Variants in CDKN2A observed in about 807,000 individuals in gnomAD.
The protein encoded by CDKN2A is cyclin dependent kinase inhibitor 2A, also known as cyclin-dependent kinase inhibitor 2A.
CDKN2A carries 3 observed loss-of-function variants against 11.1 expected under a neutral mutation model. The ratio of observed to expected loss-of-function variants is 0.27; its 90% confidence interval spans 0.12 to 0.70. The LOEUF (loss-of-function observed/expected upper bound fraction) is 0.70. Among genes scored for constraint, CDKN2A ranks in the 30% least tolerant of loss-of-function variants. CDKN2A has a pLI of 0.77. For missense variants in CDKN2A, 265 were observed against 233.6 expected (o/e 1.13, Z -0.88); for synonymous variants, 122 against 108.1 (o/e 1.13, Z -0.80).
At chr9:21,971,439 G>A (rs527316853) in intron 1 of CDKN2A, 36 of 1,351,064 alleles carry the variant, frequency 2.7e-5, no homozygotes, top group Non-Finnish European at 3.4e-5. Context: ...GTCGTCACAG[G>A]CAGAGAGCAC....
At chr9:21,977,709 T>G (rs1203829792), upstream of CDKN2A, among the ~76,000 whole-genome samples, 1 of 152,164 alleles carries the variant, frequency 6.6e-6, no homozygotes, top group Admixed American at 6.5e-5. Flanking sequence ...AAGAGTAGGC[T>G]CCTTCAAGAG....
At chr9:21,979,257 G>A (rs988705257), upstream of CDKN2A, among the ~76,000 whole-genome samples, 3 of 152,288 alleles carry the variant, frequency 2.0e-5, no homozygotes, top group Admixed American at 1.3e-4. Context: ...TCCTCAGAGA[G>A]CCAAAAGAAA....
chr9:21,992,046 G>A, intron 2 of CDKN2A: 1 of 981,178 alleles, frequency 1.0e-6, no homozygotes, highest in Non-Finnish European at 1.2e-6. Context: ...TCAGGTTTCT[G>A]TGGTTAAGAA....
At position 21,967,953 on chromosome 9, in the gene CDKN2A, C is replaced by G. The variant is rs3731253; in HGVS notation, c.*276G>C. On this transcript the variant is annotated 3_prime_UTR_variant, in exon 3 of 3. Coordinates refer to ENST00000304494, the MANE Select transcript of CDKN2A (RefSeq NM_000077.5). ...TGTGCGCTTAGGGCGTGAGTGCTCA[C>G]TCCAGAAAACTCCAACACAGTGAAA... The G allele has an allele frequency of 4.1e-4, 200 of 483,048 alleles. 2 individuals are homozygous for G. The East Asian group carries it at 6.1e-3, about 15-fold the overall frequency. 29.9% of individuals were successfully genotyped at this position (483,048 alleles called of 1,614,324 possible).
chr9:21,984,536 T>A (rs1820261168), intron 2 of CDKN2A, among the ~76,000 whole-genome samples: 3 of 152,048 alleles, frequency 2.0e-5, no homozygotes, highest in African/African-American at 4.8e-5. Flanking sequence ...CTGTCCTTTT[T>A]AATTGCTAAC....
chr9:21,981,001 T>C lies in CDKN2A; in HGVS notation c.-3-9793A>G, dbSNP rs1347107829. The stretch of plus-strand genomic sequence containing the variant: ...ATATATATATACACGTATATATATA[T>C]ACGTGTATATATATATATACGTGTA... On this transcript the variant is annotated intron_variant, in intron 2 of 3. Transcript: ENST00000494262. Among the ~76,000 whole-genome samples the C allele has an allele frequency of 1.2e-3, 5 of 4,282 alleles. 1 individual carries two copies. The highest frequency in any genetic ancestry group is 3.9e-3 in the Admixed American group (1 of 258). 2.8% of individuals were successfully genotyped at this position (4,282 alleles called of 152,430 possible). A position where few individuals can be genotyped will look rare whatever the true frequency, so the allele number is the denominator to read the frequency against.
At chr9:21,971,329 C>T in intron 1 of CDKN2A, 121 bp from the exon 2 acceptor site, 1 of 1,518,734 alleles carries the variant, frequency 6.6e-7, no homozygotes, top group Non-Finnish European at 8.8e-7. Context: ...GTCTAATTAC[C>T]CCTACATTTG....
At chr9:21,973,245 A>G (rs571202021) in intron 1 of CDKN2A, among the ~76,000 whole-genome samples, 2 of 152,320 alleles carry the variant, frequency 1.3e-5, no homozygotes, top group Non-Finnish European at 2.9e-5. Flanking sequence ...AAAATGAATC[A>G]ATTGAATTAA....
chr9:21,992,299 T>G, intron 2 of CDKN2A: 1 of 842,436 alleles, frequency 1.2e-6, no homozygotes, highest in South Asian at 5.5e-5. Flanking sequence ...TATATTAATG[T>G]GAAATATATA....
rs1354434148 is a variant in CDKN2A at position 21,988,066 on chromosome 9, G to A, written c.-4+5816C>T. Among the ~76,000 whole-genome samples, 1 of 151,966 alleles carries A rather than the reference G, an allele frequency of 6.6e-6. No individual in the cohort carries two copies. The highest frequency in any genetic ancestry group is 1.9e-4 in the East Asian group (1 of 5,200). On this transcript the variant is annotated intron_variant, in intron 2 of 3. Transcript: ENST00000494262. The surrounding 1 kb of genome is among the most constrained non-coding windows in gnomAD (Gnocchi z 4.1). ...CACATAATTCAATTAAGAAAGCAGA[G>A]GCTTTTTTATTTACGTTACCTTGAT...
At position 21,995,109 on chromosome 9, in the gene CDKN2A, C is replaced by A. The variant is rs988850485; in HGVS notation, c.-464G>T. ...ACGCCTCTGACGCGACATCTGGACA[C>A]GGCGCGGCGCTGGCGCTGCCGGAGC... On this transcript the variant is annotated 5_prime_UTR_variant, in exon 1 of 4. Coordinates refer to the CDKN2A transcript ENST00000494262. The surrounding 1 kb of genome is among the most constrained non-coding windows in gnomAD (Gnocchi z 5.7). 6.6e-6 allele frequency: 1 copy of A among 152,152 alleles called. No homozygotes were observed. Among genetic ancestry groups the A allele is most frequent in the South Asian group, 2.1e-4 (1 of 4,828 alleles). 9.4% of individuals were successfully genotyped at this position (152,152 alleles called of 1,614,324 possible).
chr9:21,971,332 T>C, intron 1 of CDKN2A, 124 bp from the exon 2 acceptor site: 2 of 1,512,934 alleles, frequency 1.3e-6, no homozygotes, highest in Non-Finnish European at 1.8e-6. Flanking sequence ...TAATTACCCC[T>C]ACATTTGCTT....
Position 21,974,684 on chromosome 9 carries a change from C to T in CDKN2A, c.144G>A (p.Pro48=), listed in dbSNP as rs876659638. 1.9e-6 allele frequency: 3 copies of T among 1,613,936 alleles called. No individual in the cohort carries two copies. The highest frequency in any genetic ancestry group is 2.5e-6 in the Non-Finnish European group (3 of 1,180,024). Residue 48 remains proline, a synonymous_variant, in exon 1 of 3, where the codon CCG becomes CCA. Coordinates refer to ENST00000304494, the MANE Select transcript of CDKN2A (RefSeq NM_000077.5). This position sits in a 1 kb window ranked among gnomAD's most constrained non-coding sequence, Gnocchi z 5.2. ...CTGCAGACCCTCTACCCACCTGGAT[C>T]GGCCTCCGACCGTAACTATTCGGTG... ...PNAPNSYGRR[P]IQVMMMGSAR... is the part of the protein sequence containing the mutation.
chr9:21,976,313 A>C (rs562652946), upstream of CDKN2A, among the ~76,000 whole-genome samples: 3 of 149,394 alleles, frequency 2.0e-5, no homozygotes, highest in Non-Finnish European at 4.4e-5. Flanking sequence ...CGGGAGGCAG[A>C]GGTTGCAGTA....
At chr9:21,979,803 G>A (rs1820131083), upstream of CDKN2A, among the ~76,000 whole-genome samples, 1 of 152,200 alleles carries the variant, frequency 6.6e-6, no homozygotes, top group Non-Finnish European at 1.5e-5. Context: ...GAACCCAGCT[G>A]AGGGTGGAGA....
In CDKN2A at chr9:21,995,234, G is replaced by A. The variant is rs1820595060; in HGVS notation, c.-589C>T. 1 of 152,234 alleles carries A rather than the reference G, an allele frequency of 6.6e-6. No homozygotes were observed. Among genetic ancestry groups the A allele is most frequent in the African/African-American group, 2.4e-5 (1 of 41,452 alleles). 9.4% of individuals were successfully genotyped at this position (152,234 alleles called of 1,614,324 possible). ...TCCCCTCCCAGCTGCCCGCGTCGCC[G>A]AGGGCGCCTGGCTGGGACAAGCACC... On this transcript the variant is annotated 5_prime_UTR_variant, in exon 1 of 4. Coordinates refer to the CDKN2A transcript ENST00000494262. The surrounding 1 kb of genome is among the most constrained non-coding windows in gnomAD (Gnocchi z 5.7).
At position 21,988,440 on chromosome 9, in the gene CDKN2A, A is replaced by G. The variant is rs980347333; in HGVS notation, c.-4+5442T>C. On this transcript the variant is annotated intron_variant, in intron 2 of 3. Coordinates refer to the CDKN2A transcript ENST00000494262. The surrounding 1 kb of genome is among the most constrained non-coding windows in gnomAD (Gnocchi z 4.1). ...CCTTTTATTACTTCTTTTTGATTGT[A>G]GAGTTCTGCCCAAATGAAACCATCA... is the stretch of plus-strand genomic sequence containing the variant. Among the ~76,000 whole-genome samples the G allele has an allele frequency of 5.9e-5, 9 of 152,082 alleles. No individual in the cohort carries two copies. The highest frequency in any genetic ancestry group is 2.2e-4 in the African/African-American group (9 of 41,398).
Position 21,987,523 on chromosome 9 carries a change from T to C in CDKN2A, c.-4+6359A>G, listed in dbSNP as rs3731205. Among the ~76,000 whole-genome samples the C allele has an allele frequency of 4.4e-3, 664 of 152,182 alleles. 6 individuals carry two copies. Among genetic ancestry groups the C allele is most frequent in the Middle Eastern group, 0.01 (3 of 294 alleles). Reference sequence around the variant, plus strand: ...TTTTAAAAAGACAACGTATCTTATATAGCTTATGTGGAAATTTTCTGTCTG... The same window carrying C: ...TTTTAAAAAGACAACGTATCTTATACAGCTTATGTGGAAATTTTCTGTCTG... On this transcript the variant is annotated intron_variant, in intron 2 of 3. Transcript: ENST00000494262.
rs1467505592 is a variant in CDKN2A at position 21,988,241 on chromosome 9, A to G, written c.-4+5641T>C. Among the ~76,000 whole-genome samples the G allele has an allele frequency of 1.3e-5, 2 of 152,224 alleles. No homozygotes were observed. The highest frequency in any genetic ancestry group is 2.9e-5 in the Non-Finnish European group (2 of 68,038). On this transcript the variant is annotated intron_variant, in intron 2 of 3. Transcript: ENST00000494262. The surrounding 1 kb of genome is among the most constrained non-coding windows in gnomAD (Gnocchi z 4.1). ...TTATGATATTTTATTTTGAAGGTGA[A>G]AGAGAAAACTGAGAAATAGTTGAAT...
Sources: allele counts gnomAD v4.1 joint callset (sites outside exome capture counted in the v4.1 genomes callset), GRCh38; gene constraint gnomAD v4.1.1; non-coding constraint Gnocchi (gnomAD v3.1); transcripts MANE v1.5; gene names NCBI Gene and HGNC (gene_info 2026-07-23, HGNC 2026-07-21).